Variants in ATAD2B observed in about 807,000 individuals in gnomAD.
ATAD2B encodes the protein ATPase family AAA domain-containing protein 2B.
In ATAD2B, 40 loss-of-function variants were observed where a neutral mutation model predicts 167.6. The observed-to-expected ratio is 0.24, with a 90% CI of 0.19 to 0.31. ATAD2B has a LOEUF of 0.31. Among genes scored for constraint, ATAD2B ranks in the 10% least tolerant of loss-of-function variants. ATAD2B has a pLI of 1.00. For synonymous variants in ATAD2B, 579 were observed against 596.5 expected (o/e 0.97, Z 0.43); for missense variants, 1,242 against 1,757.2 (o/e 0.71, Z 5.24).
At chr2:23,754,602 C>T in intron 26 of ATAD2B, 45 bp downstream of exon 26, 1 of 1,592,788 alleles carries the variant, frequency 6.3e-7, no homozygotes, top group South Asian at 1.1e-5. Context: ...ACATTCAAAT[C>T]TCCGTCCATT....
chr2:23,777,962 A>T (rs1372268895), intron 22 of ATAD2B, among the ~76,000 whole-genome samples: 1 of 152,164 alleles, frequency 6.6e-6, no homozygotes, highest in Non-Finnish European at 1.5e-5. Flanking sequence ...TGTATATGTT[A>T]GTTTTTTCCC....
the ATAD2B span, among the ~76,000 whole-genome samples, chr2:23,683,158 G>A: frequency 2.6e-5 from 4 of 152,320 alleles, no homozygotes; most frequent in African/African-American, 7.2e-5. Flanking sequence ...GAGTCCTGGC[G>A]GGCAGCCGGC....
intron 17 of ATAD2B, among the ~76,000 whole-genome samples, chr2:23,813,100 T>C (rs1327615178): frequency 1.3e-5 from 2 of 152,006 alleles, no homozygotes. Flanking sequence ...TATGTTAAGA[T>C]GTGTCCTACT....
chr2:23,768,982 C>T (rs960373254), intron 22 of ATAD2B, among the ~76,000 whole-genome samples: 6 of 152,114 alleles, frequency 3.9e-5, no homozygotes, highest in East Asian at 1.9e-4. Context: ...GATGAACAAA[C>T]CTTTGTATGG....
the ATAD2B span, among the ~76,000 whole-genome samples, chr2:23,702,814 T>A: frequency 6.6e-6 from 1 of 150,842 alleles, no homozygotes; most frequent in Non-Finnish European, 1.5e-5. Context: ...TTCTCCAGTT[T>A]CCAGCCTGGG....
At chr2:23,680,424 C>T in the ATAD2B span, among the ~76,000 whole-genome samples, 2 of 152,176 alleles carry the variant, frequency 1.3e-5, no homozygotes, top group African/African-American at 2.4e-5. The surrounding 1 kb of genome is among the most constrained non-coding windows in gnomAD (Gnocchi z 4.1). Flanking sequence ...AAGCCACTTC[C>T]GTGAGCAAGG....
chr2:23,763,991 T>G (rs1485025146), intron 23 of ATAD2B, among the ~76,000 whole-genome samples: 3 of 152,234 alleles, frequency 2.0e-5, no homozygotes, highest in Non-Finnish European at 4.4e-5. Context: ...CTATGTTTTC[T>G]TTACCAATTC....
At chr2:23,881,995 T>C (rs1019114181) in intron 6 of ATAD2B, among the ~76,000 whole-genome samples, 5 of 152,166 alleles carry the variant, frequency 3.3e-5, no homozygotes, top group Admixed American at 6.6e-5. Context: ...AGTGCTGGGA[T>C]TACAGGCGTG....
chr2:23,848,091 T>A (rs1691973856), intron 13 of ATAD2B, among the ~76,000 whole-genome samples: 1 of 151,304 alleles, frequency 6.6e-6, no homozygotes, highest in Non-Finnish European at 1.5e-5. Flanking sequence ...AAGAAACTGA[T>A]ACTAACTGGA....
chr2:23,827,993 A>C (rs1469538074), intron 15 of ATAD2B: 1 of 152,326 alleles, frequency 6.6e-6, no homozygotes, highest in African/African-American at 2.4e-5. Context: ...GTAACTTTAA[A>C]GTTTTCCCAA....
chr2:23,865,993 G>A, intron 10 of ATAD2B: 1 of 894,342 alleles, frequency 1.1e-6, no homozygotes, highest in Non-Finnish European at 1.3e-6. Flanking sequence ...GTTTTACAAT[G>A]AAAGTATTAC....
chr2:23,926,639 G>A lies in ATAD2B; in HGVS notation c.132C>T (p.Arg44=). 1 of 1,563,786 alleles carries A rather than the reference G, an allele frequency of 6.4e-7. No individual in the cohort carries two copies. Among genetic ancestry groups the A allele is most frequent in the Non-Finnish European group, 8.7e-7 (1 of 1,155,160 alleles). The change falls in exon 1 of 28, where the codon CGC becomes CGT. Residue 44 remains arginine (R), a synonymous_variant. Transcript: ENST00000238789. ...GSSHFISSRT[R]SSKTRAASCP... is the part of the protein sequence containing the mutation. ...AGCTGGCGGCGCGGGTCTTGGAGGA[G>A]CGGGTCCGAGAGGAGATGAAATGGC...
intron 3 of ATAD2B, 45 bp downstream of exon 3, chr2:23,888,305 T>C (rs778136931): frequency 8.3e-6 from 11 of 1,325,170 alleles, no homozygotes; most frequent in Non-Finnish European, 1.2e-5. Context: ...TTCTCTAACA[T>C]TGTAAGAATT....
rs536222644 is a variant in ATAD2B at position 23,833,522 on chromosome 2, A to C, written c.1728+397T>G. 5.9e-5 allele frequency among the ~76,000 whole-genome samples: 9 copies of C among 152,338 alleles called. No individual in the cohort carries two copies. The East Asian group carries it at 1.7e-3, about 29-fold the overall frequency. ...TTTGTTGCTTTTAATTAAATATAGC[A>C]ATTTCTATGAAAATTCAGGTACTGA... is the stretch of plus-strand genomic sequence containing the variant. On this transcript the variant is annotated intron_variant, in intron 14 of 27. Transcript: ENST00000238789.
the ATAD2B span, among the ~76,000 whole-genome samples, chr2:23,709,442 T>G: frequency 6.6e-6 from 1 of 152,176 alleles, no homozygotes; most frequent in Non-Finnish European, 1.5e-5. Flanking sequence ...AGACCTACCT[T>G]GCTATGCTAA....
chr2:23,888,533 T>C (rs1699018603), intron 2 of ATAD2B, 134 bp from the exon 3 acceptor site: 1 of 583,238 alleles, frequency 1.7e-6, no homozygotes, highest in Non-Finnish European at 2.9e-6. Flanking sequence ...ACTGTAAGAT[T>C]GGTAATATGT....
chr2:23,879,993 G>A (rs556813616), intron 7 of ATAD2B, among the ~76,000 whole-genome samples: 1 of 151,722 alleles, frequency 6.6e-6, no homozygotes, highest in East Asian at 1.9e-4. Context: ...AGGAGGCAGA[G>A]GCTGCAGTGC....
At chr2:23,831,497 T>C (rs1689067609) in intron 14 of ATAD2B, among the ~76,000 whole-genome samples, 1 of 152,190 alleles carries the variant, frequency 6.6e-6, no homozygotes, top group South Asian at 2.1e-4. Flanking sequence ...TCCTTATTAC[T>C]ACCCTTAATA....
At chr2:23,779,291 T>C (rs1679642651) in intron 22 of ATAD2B, among the ~76,000 whole-genome samples, 1 of 148,640 alleles carries the variant, frequency 6.7e-6, no homozygotes, top group South Asian at 2.1e-4. Context: ...TTCCCCTGCC[T>C]CAGCCTCCTG....
Sources: gnomAD v4.1 joint callset for allele counts (sites outside exome capture counted in the v4.1 genomes callset) on GRCh38, gnomAD v4.1.1 for gene constraint, Gnocchi (gnomAD v3.1) non-coding constraint, MANE v1.5 for transcripts, NCBI Gene and HGNC (gene_info 2026-07-23, HGNC 2026-07-21) for gene names.